ATXN10: variants seen among roughly 807,000 people sequenced by gnomAD.
ATXN10 encodes ataxin-10.
ATXN10 carries 28 observed loss-of-function variants against 52.9 expected under a neutral mutation model. The observed-to-expected ratio is 0.53, with a 90% CI of 0.39 to 0.73. The LOEUF (loss-of-function observed/expected upper bound fraction) is 0.73. Ranked by LOEUF, ATXN10 falls within the 30% of genes least tolerant of loss-of-function variation. ATXN10 has a pLI of 0.00. For missense variants in ATXN10, 565 were observed against 577.0 expected (o/e 0.98, Z 0.21); for synonymous variants, 226 against 221.5 (o/e 1.02, Z -0.18).
intron 3 of ATXN10, 76 bp downstream of exon 3, chr22:45,693,154 C>G (rs1322800382): frequency 4.1e-5 from 48 of 1,166,432 alleles, no homozygotes; most frequent in Middle Eastern, 1.9e-4. Context: ...GTATTAACAT[C>G]ATTCATTGAA....
intron 8 of ATXN10, 110 bp from the exon 9 acceptor site, chr22:45,740,259 T>C (rs183808975): frequency 2.2e-4 from 225 of 1,043,016 alleles, no homozygotes; most frequent in Non-Finnish European, 5.1e-5. Context: ...CTTTCTGTGC[T>C]CTACCTTTAG....
chr22:45,680,629 A>ATT lies in ATXN10; in HGVS notation c.116+8463_116+8464dup, dbSNP rs759841680. The stretch of plus-strand genomic sequence containing the variant: ...CGCCACCATGCCCCGCTAATTAAAA[A>ATT]TTTTTTTTTTTTTTGGTAGAGATTA... On this transcript the variant is annotated intron_variant, in intron 1 of 11. Transcript: ENST00000252934. Among the ~76,000 whole-genome samples the ATT allele has an allele frequency of 5.5e-3, 795 of 145,028 alleles. 10 individuals are homozygous for ATT. Among genetic ancestry groups the ATT allele is most frequent in the African/African-American group, 0.019 (759 of 39,602 alleles).
At chr22:45,747,551 G>A (rs1253056108) in intron 9 of ATXN10, among the ~76,000 whole-genome samples, 1 of 152,108 alleles carries the variant, frequency 6.6e-6, no homozygotes, top group African/African-American at 2.4e-5. Flanking sequence ...TCCTGTCACT[G>A]ACTTTTCTGT....
chr22:45,838,561 T>G lies in ATXN10; in HGVS notation c.1238-4430T>G, dbSNP rs371847820. On this transcript the variant is annotated intron_variant, in intron 10 of 11. Coordinates refer to ENST00000252934, the MANE Select transcript of ATXN10 (RefSeq NM_013236.4). ...CAGATGTTGGTGGGATTAGAGACTT[T>G]AGAAGATGTTTAATTTTCTCCCCTA... Among the ~76,000 whole-genome samples, 11 of 152,350 alleles carry G rather than the reference T, an allele frequency of 7.2e-5. No individual in the cohort carries two copies. In the South Asian group the frequency reaches 2.3e-3, roughly 32 times the overall value.
At chr22:45,808,310 C>T (rs10483232) in intron 10 of ATXN10, among the ~76,000 whole-genome samples, 15,849 of 152,164 alleles carry the variant, frequency 0.1, 923 homozygotes, top group Middle Eastern at 0.16. Context: ...CCAATGAAAA[C>T]GATGATTTAT....
Position 45,780,715 on chromosome 22 carries a change from T to A in ATXN10, c.1174-26244T>A, listed in dbSNP as rs1457026724. Among the ~76,000 whole-genome samples the A allele has an allele frequency of 2.6e-5, 4 of 152,256 alleles. No individual in the cohort carries two copies. The highest frequency in any genetic ancestry group is 4.1e-4 in the South Asian group (2 of 4,830). On this transcript the variant is annotated intron_variant, in intron 9 of 11. Transcript: ENST00000252934. The surrounding 1 kb of genome is among the most constrained non-coding windows in gnomAD (Gnocchi z 4.0). ...TAATCTTCTGAAATTTAAACCTGGA[T>A]CAGTGACTTGTGTCTTCATTTGCTA...
rs1376159248 is a variant in ATXN10 at position 45,777,603 on chromosome 22, C to T, written c.1174-29356C>T. On this transcript the variant is annotated intron_variant, in intron 9 of 11. Coordinates refer to ENST00000252934, the MANE Select transcript of ATXN10 (RefSeq NM_013236.4). ...GTTTTCCTTATGAGAACAGAAATGG[C>T]CAATCCTGTGCCCTGCCTGTCTTCC... is the stretch of plus-strand genomic sequence containing the variant. 1.3e-5 allele frequency among the ~76,000 whole-genome samples: 2 copies of T among 152,210 alleles called. 1 individual carries two copies. The highest frequency in any genetic ancestry group is 3.9e-4 in the East Asian group (2 of 5,194).
At chr22:45,716,480 C>T (rs1399154885) in intron 5 of ATXN10, among the ~76,000 whole-genome samples, 1 of 151,934 alleles carries the variant, frequency 6.6e-6, no homozygotes, top group African/African-American at 2.4e-5. Context: ...GGATTACAGG[C>T]ATGCACCACC....
At chr22:45,748,899 G>C (rs1925839069) in intron 9 of ATXN10, among the ~76,000 whole-genome samples, 1 of 152,138 alleles carries the variant, frequency 6.6e-6, no homozygotes, top group Non-Finnish European at 1.5e-5. Flanking sequence ...TCATGGTTTA[G>C]GTTGTTGCAG....
rs555667583 is a variant in ATXN10, at chr22:45,795,094, T to C, written c.1174-11865T>C. Among the ~76,000 whole-genome samples the C allele has an allele frequency of 2.6e-4, 39 of 152,272 alleles. No individual in the cohort carries two copies. Among genetic ancestry groups the C allele is most frequent in the Non-Finnish European group, 5.0e-4 (34 of 68,020 alleles). Reference sequence around the variant, plus strand: ...GGGGTAGTATGGTATTATTTGTAGATAGACTGCAACAAGGTAAAGATGTAT... The same window carrying C: ...GGGGTAGTATGGTATTATTTGTAGACAGACTGCAACAAGGTAAAGATGTAT... On this transcript the variant is annotated intron_variant, in intron 9 of 11. Coordinates refer to ENST00000252934, the MANE Select transcript of ATXN10 (RefSeq NM_013236.4). This position sits in a 1 kb window ranked among gnomAD's most constrained non-coding sequence, Gnocchi z 4.6.
intron 1 of ATXN10, among the ~76,000 whole-genome samples, chr22:45,687,806 A>G (rs1923206114): frequency 6.6e-6 from 1 of 152,218 alleles, no homozygotes; most frequent in Admixed American, 6.5e-5. Context: ...CACACCTGTA[A>G]TCCCAGCACT....
Position 45,750,211 on chromosome 22 carries a change from C to T in ATXN10, c.1173+9673C>T, listed in dbSNP as rs899171727. Among the ~76,000 whole-genome samples the T allele has an allele frequency of 2.6e-5, 4 of 152,114 alleles. No homozygotes were observed. The highest frequency in any genetic ancestry group is 9.7e-5 in the African/African-American group (4 of 41,418). ...CTGTGCTCAAGTGATCCTCCCGCCT[C>T]AGCCACCCAAGTAGCTGGTACTAGA... is the stretch of plus-strand genomic sequence containing the variant. On this transcript the variant is annotated intron_variant, in intron 9 of 11. Coordinates refer to ENST00000252934, the MANE Select transcript of ATXN10 (RefSeq NM_013236.4). This position sits in a 1 kb window ranked among gnomAD's most constrained non-coding sequence, Gnocchi z 4.2.
intron 9 of ATXN10, among the ~76,000 whole-genome samples, chr22:45,785,606 A>C (rs543395938): frequency 6.6e-6 from 1 of 152,248 alleles, no homozygotes; most frequent in East Asian, 1.9e-4. Context: ...TTTGCAGTAG[A>C]GCTTTTTGGC....
rs1308332162 is a variant in ATXN10, at chr22:45,759,808, TTC to T, written c.1173+19278_1173+19279del. Among the ~76,000 whole-genome samples the T allele has an allele frequency of 1.3e-5, 2 of 152,200 alleles. No homozygotes were observed. Among genetic ancestry groups the T allele is most frequent in the Non-Finnish European group, 2.9e-5 (2 of 68,036 alleles). On this transcript the variant is annotated intron_variant, in intron 9 of 11. Coordinates refer to ENST00000252934, the MANE Select transcript of ATXN10 (RefSeq NM_013236.4). The surrounding 1 kb of genome is among the most constrained non-coding windows in gnomAD (Gnocchi z 5.4). ...ACAGTCAGCACTGTCCATCGCTTGC[TTC>T]TCTCTCTTTCTAATTTACATACAGC...
chr22:45,769,637 A>G lies in ATXN10; in HGVS notation c.1173+29099A>G, dbSNP rs532470105. 2.4e-4 allele frequency among the ~76,000 whole-genome samples: 37 copies of G among 152,310 alleles called. No individual in the cohort carries two copies. The highest frequency in any genetic ancestry group is 1.2e-3 in the East Asian group (6 of 5,180). On this transcript the variant is annotated intron_variant, in intron 9 of 11. Coordinates refer to ENST00000252934, the MANE Select transcript of ATXN10 (RefSeq NM_013236.4). This position sits in a 1 kb window ranked among gnomAD's most constrained non-coding sequence, Gnocchi z 4.2. Reference sequence around the variant, plus strand: ...TTGGCTGAAGCTAGAGAGAATCTCAAATAGACTTGGTCAAGAAAAGAAGAC... The same window carrying G: ...TTGGCTGAAGCTAGAGAGAATCTCAGATAGACTTGGTCAAGAAAAGAAGAC...
intron 9 of ATXN10, among the ~76,000 whole-genome samples, chr22:45,779,039 C>T (rs927175133): frequency 5.3e-5 from 8 of 152,090 alleles, no homozygotes; most frequent in African/African-American, 1.9e-4. Context: ...GGAGACTGGA[C>T]TGAGTTTTTC....
rs764704063 is a variant in ATXN10, at chr22:45,718,523, A to C, written c.728+30A>C. ...CCCCCCAACCAGCGTGGTCTGGAGT[A>C]TTTAGCATTCCATATAGGGTATTCG... is the stretch of plus-strand genomic sequence containing the variant. On this transcript the variant is annotated intron_variant, in intron 6 of 11. Coordinates refer to ENST00000252934, the MANE Select transcript of ATXN10 (RefSeq NM_013236.4). This position sits in a 1 kb window ranked among gnomAD's most constrained non-coding sequence, Gnocchi z 4.4. 1.9e-6 allele frequency: 3 copies of C among 1,572,524 alleles called. No homozygotes were observed. Among genetic ancestry groups the C allele is most frequent in the Non-Finnish European group, 2.6e-6 (3 of 1,142,376 alleles).
intron 7 of ATXN10, among the ~76,000 whole-genome samples, chr22:45,730,904 C>T (rs1249353102): frequency 6.6e-6 from 1 of 152,182 alleles, no homozygotes; most frequent in Non-Finnish European, 1.5e-5. Context: ...TACTTCCAAA[C>T]TGCTTTCTAG....
In ATXN10 at chr22:45,684,864, TTTTG is replaced by T. The variant is rs1923073818; in HGVS notation, c.117-4845_117-4842del. Among the ~76,000 whole-genome samples, 2 of 152,322 alleles carry T rather than the reference TTTTG, an allele frequency of 1.3e-5. No homozygotes were observed. Among genetic ancestry groups the T allele is most frequent in the South Asian group, 4.1e-4 (2 of 4,832 alleles). ...AGATACAGATGTTTTTATTTTCTGTTTTTGTTCAATCCTGCCCAGTCAAATCAGC... is the reference window on the plus strand; with the variant it reads ...AGATACAGATGTTTTTATTTTCTGTTTTCAATCCTGCCCAGTCAAATCAGC... On this transcript the variant is annotated intron_variant, in intron 1 of 11. Transcript: ENST00000252934. The surrounding 1 kb of genome is among the most constrained non-coding windows in gnomAD (Gnocchi z 4.1).
Sources: allele counts gnomAD v4.1 joint callset (sites outside exome capture counted in the v4.1 genomes callset), GRCh38; gene constraint gnomAD v4.1.1; non-coding constraint Gnocchi (gnomAD v3.1); transcripts MANE v1.5; gene names NCBI Gene and HGNC (gene_info 2026-07-23, HGNC 2026-07-21).